FGD4: variants seen among roughly 807,000 people sequenced by gnomAD.
The protein encoded by FGD4 is FYVE, RhoGEF and PH domain-containing protein 4.
A neutral mutation model predicts 102.0 loss-of-function variants in FGD4; 42 were observed. The observed-to-expected ratio is 0.41, with a 90% CI of 0.32 to 0.53. FGD4 has a LOEUF of 0.53. Ranked by LOEUF, FGD4 falls within the 20% of genes least tolerant of loss-of-function variation. The pLI, the probability that FGD4 is intolerant of heterozygous loss-of-function variation, is 0.21. For missense variants in FGD4, 902 were observed against 1,078.2 expected (o/e 0.84, Z 2.29); for synonymous variants, 380 against 375.7 (o/e 1.01, Z -0.13).
At chr12:32,433,958 C>T (rs1262042410) in intron 1 of FGD4, among the ~76,000 whole-genome samples, 2 of 152,124 alleles carry the variant, frequency 1.3e-5, no homozygotes, top group Non-Finnish European at 2.9e-5. Flanking sequence ...TGGGTTCAAG[C>T]GATTCTTCTG....
intron 3 of FGD4, among the ~76,000 whole-genome samples, chr12:32,578,250 A>G (rs1444875368): frequency 1.3e-5 from 2 of 152,196 alleles, no homozygotes; most frequent in Admixed American, 6.5e-5. Flanking sequence ...ACAAAAAACA[A>G]TGTTATGTTC....
In FGD4 at chr12:32,643,371, T is replaced by A. The variant is rs1951255663; in HGVS notation, c.*2838T>A. The A allele has an allele frequency of 6.6e-6, 1 of 152,482 alleles. No homozygotes were observed. Among genetic ancestry groups the A allele is most frequent in the African/African-American group, 2.4e-5 (1 of 41,444 alleles). The allele number at this position is 152,482 out of a possible 1,614,324, so 9.4% of individuals were successfully genotyped here. A position where few individuals can be genotyped will look rare whatever the true frequency, so the allele number is the denominator to read the frequency against. ...CTTCCCACAAGAATATAGATAATTA[T>A]TAACTTTCTAGATGTGATACGGTAA... On this transcript the variant is annotated 3_prime_UTR_variant, in exon 17 of 17. Transcript: ENST00000534526.
intron 7 of FGD4, 152 bp downstream of exon 7, chr12:32,602,469 T>G: frequency 1.2e-6 from 1 of 827,468 alleles, no homozygotes; most frequent in African/African-American, 1.7e-5. Flanking sequence ...TCTGCAATGC[T>G]GAAATACGTA....
chr12:32,633,787 C>A, intron 15 of FGD4, 98 bp downstream of exon 15: 1 of 1,086,750 alleles, frequency 9.2e-7, no homozygotes, highest in Non-Finnish European at 1.3e-6. Context: ...ACGATCTCAG[C>A]TCACTGCAAC....
At chr12:32,551,598 G>A (rs956234411) in intron 1 of FGD4, among the ~76,000 whole-genome samples, 1 of 152,144 alleles carries the variant, frequency 6.6e-6, no homozygotes, top group African/African-American at 2.4e-5. Flanking sequence ...TTAGATTGCT[G>A]TAGAACTGTA....
intron 1 of FGD4, among the ~76,000 whole-genome samples, chr12:32,503,142 C>T (rs1300954642): frequency 1.3e-5 from 2 of 152,082 alleles, no homozygotes; most frequent in Non-Finnish European, 2.9e-5. Context: ...AAACTGTGCC[C>T]TAAAATATAA....
chr12:32,461,488 CTT>C (rs1349582839), intron 1 of FGD4, among the ~76,000 whole-genome samples: 1 of 151,982 alleles, frequency 6.6e-6, no homozygotes, highest in African/African-American at 2.4e-5. Context: ...TTTTCTACTT[CTT>C]TTGACATGTT....
intron 5 of FGD4, chr12:32,600,596 T>C (rs75219028): frequency 2.2e-5 from 8 of 359,384 alleles, no homozygotes; most frequent in Non-Finnish European, 3.2e-5. Context: ...TTCTTTCTTT[T>C]TTTTTTTTTT....
chr12:32,585,891 C>T (rs1237994763), intron 4 of FGD4, among the ~76,000 whole-genome samples: 1 of 149,888 alleles, frequency 6.7e-6, no homozygotes, highest in African/African-American at 2.5e-5. Context: ...CAGTTGTGCC[C>T]CAGGAGTACT....
At chr12:32,576,493 G>A in intron 3 of FGD4, 44 bp downstream of exon 3, 1 of 1,601,994 alleles carries the variant, frequency 6.2e-7, no homozygotes, top group South Asian at 1.1e-5. Flanking sequence ...GAAGAAGAAA[G>A]CTGATTTTCG....
intron 1 of FGD4, among the ~76,000 whole-genome samples, chr12:32,412,481 T>A (rs1202595985): frequency 1.3e-5 from 2 of 152,162 alleles, no homozygotes; most frequent in African/African-American, 4.8e-5. Flanking sequence ...AATTGGAAGT[T>A]ATGAAATTGT....
chr12:32,617,273 T>C (rs1210576519), intron 10 of FGD4, among the ~76,000 whole-genome samples: 4 of 152,252 alleles, frequency 2.6e-5, no homozygotes, highest in African/African-American at 9.6e-5. Flanking sequence ...AGACTTTTTA[T>C]TCTTGGCTCT....
At chr12:32,615,910 G>A (rs1949423355) in intron 10 of FGD4, among the ~76,000 whole-genome samples, 1 of 152,116 alleles carries the variant, frequency 6.6e-6, no homozygotes, top group South Asian at 2.1e-4. Context: ...GGGGGTGACT[G>A]CGGGTGTGAG....
chr12:32,578,842 A>C (rs563949161), intron 3 of FGD4, among the ~76,000 whole-genome samples: 65 of 151,740 alleles, frequency 4.3e-4, no homozygotes, highest in African/African-American at 1.4e-3. Flanking sequence ...AAAAAAAAAA[A>C]ACATCGTAGC....
intron 1 of FGD4, among the ~76,000 whole-genome samples, chr12:32,417,488 C>T (rs921171799): frequency 1.3e-5 from 2 of 151,758 alleles, no homozygotes; most frequent in Middle Eastern, 3.4e-3. Flanking sequence ...GACAGAGTCT[C>T]ACTCTGTCAC....
At chr12:32,549,941 G>A (rs529163923) in intron 1 of FGD4, among the ~76,000 whole-genome samples, 89 of 152,254 alleles carry the variant, frequency 5.8e-4, no homozygotes, top group African/African-American at 1.8e-3. Context: ...CGTCTCCAGC[G>A]TTCCTCTTCT....
chr12:32,456,486 T>A (rs1443317236), intron 1 of FGD4, among the ~76,000 whole-genome samples: 1 of 152,158 alleles, frequency 6.6e-6, no homozygotes, highest in East Asian at 1.9e-4. Flanking sequence ...GTTGTTGGAA[T>A]TGCCAGCTTT....
At chr12:32,515,278 C>T (rs1346975569) in intron 1 of FGD4, among the ~76,000 whole-genome samples, 3 of 152,220 alleles carry the variant, frequency 2.0e-5, no homozygotes, top group Admixed American at 1.3e-4. Context: ...TCCACAGCTC[C>T]TGCTCAAATC....
chr12:32,485,736 G>A (rs1298450061), intron 1 of FGD4: 1 of 604,730 alleles, frequency 1.7e-6, no homozygotes, highest in Non-Finnish European at 2.1e-6. Flanking sequence ...GAGCCACTGC[G>A]CCTGACCAAG....
Sources: allele counts gnomAD v4.1 joint callset (sites outside exome capture counted in the v4.1 genomes callset), GRCh38; gene constraint gnomAD v4.1.1; transcripts MANE v1.5; gene names NCBI Gene and HGNC (gene_info 2026-07-23, HGNC 2026-07-21).